TEX9: variants seen among roughly 807,000 people sequenced by gnomAD.
TEX9 encodes testis expressed 9, also known as testis-expressed protein 9.
TEX9 carries 74 observed loss-of-function variants against 59.6 expected under a neutral mutation model. The observed-to-expected ratio is 1.24, with a 90% CI of 1.03 to 1.51. The LOEUF is 1.51. TEX9 is among the 40% of genes most tolerant of loss of function. TEX9 has a pLI of 0.00. For missense variants in TEX9, 522 were observed against 447.8 expected, an observed-to-expected ratio of 1.17 and a Z score of -1.49; for synonymous variants, 186 against 152.2, an observed-to-expected ratio of 1.22 and a Z score of -1.64.
intron 1 of TEX9, among the ~76,000 whole-genome samples, chr15:56,312,454 T>C (rs62046697): frequency 0.014 from 2,037 of 146,938 alleles, 17 homozygotes; most frequent in Non-Finnish European, 0.02. Context: ...CAGATAGTTG[T>C]AGATATGCGG....
intron 12 of TEX9, chr15:56,429,126 C>T (rs2050476613): frequency 1.0e-5 from 16 of 1,599,930 alleles, no homozygotes; most frequent in Non-Finnish European, 1.4e-5. Flanking sequence ...AATTTCACTC[C>T]TTTGTTGATA....
intron 4 of TEX9, among the ~76,000 whole-genome samples, chr15:56,384,510 G>C (rs2047876213): frequency 6.6e-6 from 1 of 152,164 alleles, no homozygotes; most frequent in South Asian, 2.1e-4. Flanking sequence ...GACCGTGTGT[G>C]GACCATGTAG....
At chr15:56,459,152 A>G in the TEX9 span, among the ~76,000 whole-genome samples, 1 of 151,934 alleles carries the variant, frequency 6.6e-6, no homozygotes, top group African/African-American at 2.4e-5. Context: ...CTACTTATCT[A>G]TTTTTTGTCT....
At chr15:56,272,911 G>T (rs1224858931) in intron 1 of TEX9, among the ~76,000 whole-genome samples, 3 of 140,006 alleles carry the variant, frequency 2.1e-5, no homozygotes, top group Non-Finnish European at 3.1e-5. Context: ...ATTGGTGGGG[G>T]TTCTTTATTT....
intron 1 of TEX9, among the ~76,000 whole-genome samples, chr15:56,263,400 A>C (rs1422343967): frequency 1.3e-5 from 2 of 152,118 alleles, no homozygotes; most frequent in African/African-American, 4.8e-5. Context: ...TACTTCATGT[A>C]ATTACTTATG....
At chr15:56,378,961 G>T (rs114399395) in intron 3 of TEX9, among the ~76,000 whole-genome samples, 2 of 151,852 alleles carry the variant, frequency 1.3e-5, no homozygotes, top group African/African-American at 4.8e-5. Context: ...CTACTTGAGG[G>T]GCTGAGGAGG....
chr15:56,277,572 T>C (rs1347148439), intron 1 of TEX9, among the ~76,000 whole-genome samples: 1 of 152,260 alleles, frequency 6.6e-6, no homozygotes, highest in East Asian at 1.9e-4. Context: ...TTTTGGTTAC[T>C]GTAGCCTTAC....
intron 1 of TEX9, among the ~76,000 whole-genome samples, chr15:56,265,163 C>CTT (rs201903728): frequency 1.1e-4 from 15 of 134,280 alleles, no homozygotes; most frequent in African/African-American, 3.0e-4. Context: ...CCTTTTCTTT[C>CTT]TTTTTTTTTT....
At chr15:56,437,493 A>G (rs1441452884) in intron 12 of TEX9, among the ~76,000 whole-genome samples, 2 of 152,142 alleles carry the variant, frequency 1.3e-5, no homozygotes, top group African/African-American at 2.4e-5. Context: ...TTTATGACAA[A>G]CCCACAGCCA....
chr15:56,314,664 G>A (rs139988642), intron 1 of TEX9, among the ~76,000 whole-genome samples: 4,638 of 152,178 alleles, frequency 0.03, 180 homozygotes, highest in East Asian at 0.095. Context: ...TATCTATTAG[G>A]TCTTCTTGGT....
intron 1 of TEX9, among the ~76,000 whole-genome samples, chr15:56,346,585 C>G (rs2046474304): frequency 6.6e-6 from 1 of 152,172 alleles, no homozygotes; most frequent in South Asian, 2.1e-4. Context: ...ATCTTAGTCC[C>G]AAGGTGAATC....
chr15:56,309,417 G>A (rs979798588), intron 1 of TEX9, among the ~76,000 whole-genome samples: 29 of 152,224 alleles, frequency 1.9e-4, no homozygotes, highest in African/African-American at 6.5e-4. Flanking sequence ...GTTGGTTGTA[G>A]TGTAAAACAC....
intron 1 of TEX9, among the ~76,000 whole-genome samples, chr15:56,250,761 GAAAAA>G: frequency 6.9e-6 from 1 of 144,820 alleles, no homozygotes; most frequent in Non-Finnish European, 1.5e-5. Context: ...CTTCCTTAGG[GAAAAA>G]AAAAAACAAA....
At chr15:56,409,928 A>T (rs1166519008) in intron 9 of TEX9, 1 of 152,126 alleles carries the variant, frequency 6.6e-6, no homozygotes, top group African/African-American at 2.4e-5. Flanking sequence ...AGTCCTTAAC[A>T]CTGCCAGATA....
intron 1 of TEX9, among the ~76,000 whole-genome samples, chr15:56,310,936 G>C (rs532049017): frequency 6.6e-6 from 1 of 152,228 alleles, no homozygotes; most frequent in African/African-American, 2.4e-5. Flanking sequence ...ATTGCAGAGA[G>C]AGGTTGCTCT....
rs187125874 is a variant in TEX9 at position 56,322,920 on chromosome 15, T to C, written c.-106-50521T>C. 4.0e-5 allele frequency among the ~76,000 whole-genome samples: 6 copies of C among 151,878 alleles called. No individual in the cohort carries two copies. In the East Asian group the frequency reaches 9.7e-4, roughly 24 times the overall value. ...AGTAGGAAGAATGGTAAAGAGAGAA[T>C]GGGGTGAGGCATGGTAAAGAGAGGA... On this transcript the variant is annotated intron_variant, in intron 1 of 5. Coordinates refer to the TEX9 transcript ENST00000560827.
intron 3 of TEX9, among the ~76,000 whole-genome samples, chr15:56,377,718 C>A (rs1430432685): frequency 6.6e-6 from 1 of 152,060 alleles, no homozygotes; most frequent in African/African-American, 2.4e-5. Flanking sequence ...GATTTGGATG[C>A]CCTTTATTTC....
At chr15:56,377,669 TATC>T (rs1468964053) in intron 3 of TEX9, among the ~76,000 whole-genome samples, 1 of 152,202 alleles carries the variant, frequency 6.6e-6, no homozygotes, top group Non-Finnish European at 1.5e-5. Context: ...TATAAGAGCA[TATC>T]ATCTGTAAAT....
intron 10 of TEX9, chr15:56,421,399 C>T (rs1255016304): frequency 1.3e-5 from 2 of 151,868 alleles, no homozygotes; most frequent in African/African-American, 4.9e-5. Context: ...GTGGACATTT[C>T]ATCTTTGAGA....
Sources: gnomAD v4.1 joint callset for allele counts (sites outside exome capture counted in the v4.1 genomes callset) on GRCh38, gnomAD v4.1.1 for gene constraint, MANE v1.5 for transcripts, NCBI Gene and HGNC (gene_info 2026-07-23, HGNC 2026-07-21) for gene names.